The following AGAP1 variants were observed in gnomAD, a reference collection of about 807,000 sequenced individuals.
The protein encoded by AGAP1 is arf-GAP with GTPase, ANK repeat and PH domain-containing protein 1.
Under a neutral mutation model 105.3 loss-of-function variants are expected in AGAP1, and 29 were observed. The ratio of observed to expected loss-of-function variants is 0.28; its 90% CI spans 0.21 to 0.38. AGAP1 has a LOEUF of 0.38. Ranked by LOEUF, AGAP1 falls within the 10% of genes least tolerant of loss-of-function variation. AGAP1 has a pLI of 1.00. For missense variants in AGAP1, 998 were observed against 1,165.1 expected (o/e 0.86, Z 2.09); for synonymous variants, 509 against 485.9 (o/e 1.05, Z -0.63).
intron 16 of AGAP1, among the ~76,000 whole-genome samples, chr2:236,111,328 G>T (rs1055973896): frequency 2.0e-5 from 3 of 151,482 alleles, no homozygotes; most frequent in Non-Finnish European, 4.4e-5. Flanking sequence ...TCCCAACCTG[G>T]ACAATATGGC....
chr2:235,814,537 C>T (rs887631912), intron 9 of AGAP1, among the ~76,000 whole-genome samples: 3 of 152,174 alleles, frequency 2.0e-5, no homozygotes, highest in Non-Finnish European at 2.9e-5. Context: ...TGCCCTGGGT[C>T]CTCTGCTACG....
In AGAP1 at chr2:235,582,338, C is replaced by G. The variant is rs554481997; in HGVS notation, c.163+87489C>G. Among the ~76,000 whole-genome samples the G allele has an allele frequency of 7.2e-5, 11 of 152,310 alleles. No homozygotes were observed. Among genetic ancestry groups the G allele is most frequent in the African/African-American group, 2.6e-4 (11 of 41,584 alleles). On this transcript the variant is annotated intron_variant, in intron 1 of 17. Transcript: ENST00000304032. The surrounding 1 kb of genome is among the most constrained non-coding windows in gnomAD (Gnocchi z 4.7). The stretch of plus-strand genomic sequence containing the variant: ...CTTTGTGCTGGCATTTAGGGTGTCA[C>G]TAAAGCCCAAGACCAGGATTGCTTG...
rs1172393048 is a variant in AGAP1 at position 235,746,377 on chromosome 2, C to CTTTTTTTTTTTTTTTTTTTT, written c.538+1553_538+1572dup. Among the ~76,000 whole-genome samples, 29 of 55,562 alleles carry CTTTTTTTTTTTTTTTTTTTT rather than the reference C, an allele frequency of 5.2e-4. 7 individuals are homozygous for CTTTTTTTTTTTTTTTTTTTT. The highest frequency in any genetic ancestry group is 5.8e-4 in the East Asian group (1 of 1,710). 36.5% of individuals were successfully genotyped at this position (55,562 alleles called of 152,430 possible). On this transcript the variant is annotated intron_variant, in intron 5 of 17. Coordinates refer to ENST00000304032, the MANE Select transcript of AGAP1 (RefSeq NM_001037131.3). ...GCTTCCTGGAGAGCACCTCCCCCAA[C>CTTTTTTTTTTTTTTTTTTTT]TTTTTTTTTTTTTTTTTTTTTTTTT...
At chr2:235,518,918 T>C (rs1246230743) in intron 1 of AGAP1, among the ~76,000 whole-genome samples, 1 of 152,172 alleles carries the variant, frequency 6.6e-6, no homozygotes, top group Admixed American at 6.5e-5. Context: ...TGGGCCTCAG[T>C]GGCAGGGGCA....
rs1163959181 is a variant in AGAP1 at position 235,962,821 on chromosome 2, G to T, written c.1484-5641G>T. 1.3e-5 allele frequency among the ~76,000 whole-genome samples: 2 copies of T among 152,156 alleles called. No homozygotes were observed. Among genetic ancestry groups the T allele is most frequent in the African/African-American group, 4.8e-5 (2 of 41,428 alleles). ...TTTGAGACTGTTCTTTGTGGCAGGGGCTGTCCTGTGCATTGTAGGGCATTT... is the reference window on the plus strand; with the variant it reads ...TTTGAGACTGTTCTTTGTGGCAGGGTCTGTCCTGTGCATTGTAGGGCATTT... On this transcript the variant is annotated intron_variant, in intron 12 of 17. Coordinates refer to ENST00000304032, the MANE Select transcript of AGAP1 (RefSeq NM_001037131.3). This position sits in a 1 kb window ranked among gnomAD's most constrained non-coding sequence, Gnocchi z 5.3.
intron 16 of AGAP1, among the ~76,000 whole-genome samples, chr2:236,068,965 A>G (rs1480494296): frequency 1.3e-5 from 2 of 151,714 alleles, no homozygotes; most frequent in Non-Finnish European, 2.9e-5. Flanking sequence ...CGTCTCTACT[A>G]AAAATACAAA....
chr2:235,925,245 A>G (rs2052390072), intron 11 of AGAP1, among the ~76,000 whole-genome samples: 1 of 152,196 alleles, frequency 6.6e-6, no homozygotes, highest in South Asian at 2.1e-4. Flanking sequence ...AGGGCATTCT[A>G]ATCTGGCTTT....
chr2:235,743,967 G>A (rs1234238949), intron 4 of AGAP1, among the ~76,000 whole-genome samples: 2 of 152,218 alleles, frequency 1.3e-5, no homozygotes, highest in Non-Finnish European at 2.9e-5. Context: ...ACTAGTATAT[G>A]CCTGACAGTG....
chr2:235,539,481 GA>G (rs1161806789), intron 1 of AGAP1, among the ~76,000 whole-genome samples: 1 of 152,194 alleles, frequency 6.6e-6, no homozygotes, highest in Non-Finnish European at 1.5e-5. Context: ...TCCTTTTTAG[GA>G]AGCCATGCTG....
chr2:235,666,057 C>CT (rs1948117086), intron 1 of AGAP1, among the ~76,000 whole-genome samples: 1 of 152,154 alleles, frequency 6.6e-6, no homozygotes, highest in African/African-American at 2.4e-5. Context: ...AAGCCAGCTG[C>CT]TGAGGGTGAT....
chr2:235,734,712 T>C lies in AGAP1; in HGVS notation c.311-6251T>C, dbSNP rs1185527565. 6.6e-6 allele frequency among the ~76,000 whole-genome samples: 1 copy of C among 152,182 alleles called. No individual in the cohort carries two copies. The highest frequency in any genetic ancestry group is 2.4e-5 in the African/African-American group (1 of 41,454). The stretch of plus-strand genomic sequence containing the variant: ...GGAGTAAGGATAAGATAGTCCCGCC[T>C]CTCTGCCTGTTTGATGTTGGCCCTG... On this transcript the variant is annotated intron_variant, in intron 3 of 17. Transcript: ENST00000304032. This position sits in a 1 kb window ranked among gnomAD's most constrained non-coding sequence, Gnocchi z 5.3.
chr2:236,046,431 G>A lies in AGAP1; in HGVS notation c.1892-2628G>A, dbSNP rs2057719882. On this transcript the variant is annotated intron_variant, in intron 15 of 17. Coordinates refer to ENST00000304032, the MANE Select transcript of AGAP1 (RefSeq NM_001037131.3). The surrounding 1 kb of genome is among the most constrained non-coding windows in gnomAD (Gnocchi z 5.2). ...GGTGAGGACGCCCATGGGAGCATAA[G>A]TTCGAGAAGAAAGCGTTGGACTTAT... is the stretch of plus-strand genomic sequence containing the variant. 6.6e-6 allele frequency among the ~76,000 whole-genome samples: 1 copy of A among 152,194 alleles called. No homozygotes were observed. The highest frequency in any genetic ancestry group is 2.1e-4 in the South Asian group (1 of 4,822).
intron 11 of AGAP1, among the ~76,000 whole-genome samples, chr2:235,913,036 G>T (rs1329846027): frequency 6.6e-6 from 1 of 152,006 alleles, no homozygotes; most frequent in East Asian, 1.9e-4. Flanking sequence ...ATATTTTGCA[G>T]GTATTTCCCC....
At chr2:235,933,205 A>C (rs987863449) in intron 12 of AGAP1, among the ~76,000 whole-genome samples, 2 of 152,218 alleles carry the variant, frequency 1.3e-5, no homozygotes, top group African/African-American at 2.4e-5. Flanking sequence ...TGCTTAAAGA[A>C]CCAGATGGAT....
intron 1 of AGAP1, among the ~76,000 whole-genome samples, chr2:235,564,192 G>C (rs987289963): frequency 1.3e-5 from 2 of 152,154 alleles, no homozygotes; most frequent in African/African-American, 2.4e-5. Context: ...GAATCCTAAA[G>C]TGATCTGGCT....
At position 235,753,782 on chromosome 2, in the gene AGAP1, G is replaced by A. The variant is rs556654890; in HGVS notation, c.673+3294G>A. On this transcript the variant is annotated intron_variant, in intron 6 of 17. Transcript: ENST00000304032. The surrounding 1 kb of genome is among the most constrained non-coding windows in gnomAD (Gnocchi z 4.5). ...AAGCTACAACTTCCGTGACTATTGCGATTTTTTTGTCCTTAAAATATTTTC... is the reference window on the plus strand; with the variant it reads ...AAGCTACAACTTCCGTGACTATTGCAATTTTTTTGTCCTTAAAATATTTTC... 2.1e-3 allele frequency among the ~76,000 whole-genome samples: 325 copies of A among 151,642 alleles called. 2 individuals are homozygous for A. In the South Asian group the frequency reaches 0.031, roughly 14 times the overall value.
Position 236,001,631 on chromosome 2 carries a change from G to A in AGAP1, c.1645+33008G>A, listed in dbSNP as rs906326716. 2.6e-5 allele frequency among the ~76,000 whole-genome samples: 4 copies of A among 152,216 alleles called. No individual in the cohort carries two copies. Among genetic ancestry groups the A allele is most frequent in the African/African-American group, 7.2e-5 (3 of 41,448 alleles). ...GTGAGAGGACACAGAGGCCAGGGCC[G>A]GGAGACCAGGAGGCCGAGAGCGGTA... On this transcript the variant is annotated intron_variant, in intron 13 of 17. Transcript: ENST00000304032. This position sits in a 1 kb window ranked among gnomAD's most constrained non-coding sequence, Gnocchi z 4.7.
intron 3 of AGAP1, 29 bp downstream of exon 3, chr2:235,717,673 T>C (rs564674610): frequency 2.5e-6 from 4 of 1,571,128 alleles, no homozygotes; most frequent in African/African-American, 2.7e-5. Flanking sequence ...AGTTGCAAAC[T>C]TAAGAATGTA....
chr2:235,744,606 G>GC lies in AGAP1; in HGVS notation c.397-87dup. 3 of 1,509,386 alleles carry GC rather than the reference G, an allele frequency of 2.0e-6. No homozygotes were observed. Among genetic ancestry groups the GC allele is most frequent in the Admixed American group, 1.7e-5 (1 of 57,412 alleles). The allele number at this position is 1,509,386 out of a possible 1,614,324, so 93.5% of individuals were successfully genotyped here. ...GTGTGTGACCGAGGGGATTCCTGCA[G>GC]CCCCCTGCTGCCTGCCGCCATGCAG... On this transcript the variant is annotated intron_variant, in intron 4 of 17. Coordinates refer to ENST00000304032, the MANE Select transcript of AGAP1 (RefSeq NM_001037131.3). This position sits in a 1 kb window ranked among gnomAD's most constrained non-coding sequence, Gnocchi z 5.2.
Sources: gnomAD v4.1 joint callset for allele counts (sites outside exome capture counted in the v4.1 genomes callset) on GRCh38, gnomAD v4.1.1 for gene constraint, Gnocchi (gnomAD v3.1) non-coding constraint, MANE v1.5 for transcripts, NCBI Gene and HGNC (gene_info 2026-07-23, HGNC 2026-07-21) for gene names.